Variants in NCAM2 observed in about 807,000 individuals in gnomAD.
NCAM2 encodes the protein neural cell adhesion molecule 2.
A neutral mutation model predicts 98.1 loss-of-function variants in NCAM2; 30 were observed. The ratio of observed to expected loss-of-function variants is 0.31; its 90% CI spans 0.23 to 0.41. The LOEUF (loss-of-function observed/expected upper bound fraction) is 0.41, where lower values mean the gene tolerates loss of function less well. Ranked by LOEUF, NCAM2 falls within the 10% of genes least tolerant of loss-of-function variation. NCAM2 has a pLI of 1.00. For missense variants in NCAM2, 867 were observed against 1,005.8 expected (o/e 0.86, Z 1.87); for synonymous variants, 368 against 342.4 (o/e 1.07, Z -0.83).
intron 1 of NCAM2, among the ~76,000 whole-genome samples, chr21:21,049,298 A>G (rs961061062): frequency 9.9e-5 from 15 of 152,094 alleles, no homozygotes; most frequent in Admixed American, 5.2e-4. Flanking sequence ...TTATTTTTGT[A>G]TATAATTTAT....
At chr21:21,176,675 T>C (rs959179306) in intron 1 of NCAM2, among the ~76,000 whole-genome samples, 3 of 151,320 alleles carry the variant, frequency 2.0e-5, no homozygotes, top group Non-Finnish European at 4.4e-5. Flanking sequence ...TTTAAAAGTG[T>C]TTTTTTTGAA....
intron 1 of NCAM2, among the ~76,000 whole-genome samples, chr21:21,264,770 C>G (rs1188937327): frequency 4.9e-4 from 3 of 6,174 alleles, no homozygotes; most frequent in Non-Finnish European, 8.7e-4. Flanking sequence ...ATATATTCCA[C>G]TATATATATA....
intron 1 of NCAM2, among the ~76,000 whole-genome samples, chr21:21,025,205 C>T (rs2064519913): frequency 6.6e-6 from 1 of 151,948 alleles, no homozygotes; most frequent in African/African-American, 2.4e-5. Flanking sequence ...CCTGCGTCAG[C>T]CTCTTGAGTA....
chr21:21,135,793 G>C (rs986859464), intron 1 of NCAM2, among the ~76,000 whole-genome samples: 2 of 152,116 alleles, frequency 1.3e-5, no homozygotes, highest in African/African-American at 4.8e-5. Flanking sequence ...AGTTCATTAA[G>C]TATATACATT....
rs550973246 is a variant in NCAM2 at position 21,122,404 on chromosome 21, T to C, written c.55+123786T>C. On this transcript the variant is annotated intron_variant, in intron 1 of 17. Transcript: ENST00000400546. ...ATTTAGTAACAGGAAGAAGATAGTT[T>C]TGAATACTTTTTCCCATGATGCATT... is the stretch of plus-strand genomic sequence containing the variant. Among the ~76,000 whole-genome samples the C allele has an allele frequency of 6.7e-4, 102 of 152,320 alleles. 2 individuals carry two copies. In the South Asian group the frequency reaches 9.3e-3, roughly 14 times the overall value.
intron 9 of NCAM2, among the ~76,000 whole-genome samples, chr21:21,375,713 T>G (rs951048810): frequency 2.2e-4 from 33 of 151,900 alleles, no homozygotes; most frequent in African/African-American, 7.7e-4. Context: ...CTTTATGATT[T>G]TTTTTAATTT....
At chr21:21,387,187 T>TAG (rs996347199) in intron 9 of NCAM2, among the ~76,000 whole-genome samples, 3 of 121,228 alleles carry the variant, frequency 2.5e-5, no homozygotes, top group African/African-American at 8.5e-5. Flanking sequence ...CACACACACA[T>TAG]ACACACACAC....
chr21:21,198,820 G>T (rs1343964537), intron 1 of NCAM2, among the ~76,000 whole-genome samples: 1 of 152,086 alleles, frequency 6.6e-6, no homozygotes, highest in African/African-American at 2.4e-5. Context: ...ATTTCTGAAT[G>T]AATATAAATG....
chr21:21,094,337 G>T (rs905821895), intron 1 of NCAM2, among the ~76,000 whole-genome samples: 5 of 151,846 alleles, frequency 3.3e-5, no homozygotes, highest in Non-Finnish European at 5.9e-5. Context: ...CAACTGGATA[G>T]TTCAAGAAGG....
intron 11 of NCAM2, among the ~76,000 whole-genome samples, chr21:21,424,858 C>T (rs2077180561): frequency 6.6e-6 from 1 of 151,346 alleles, no homozygotes; most frequent in Non-Finnish European, 1.5e-5. Context: ...ATGGTGAAAC[C>T]CCATCTCTAC....
intron 16 of NCAM2, among the ~76,000 whole-genome samples, chr21:21,526,869 T>A (rs1989352453): frequency 6.6e-6 from 1 of 152,130 alleles, no homozygotes; most frequent in South Asian, 2.1e-4. Context: ...AAGGCAGTAC[T>A]ATGGTAAAAA....
intron 8 of NCAM2, among the ~76,000 whole-genome samples, chr21:21,344,329 G>A (rs768450750): frequency 6.6e-6 from 1 of 152,158 alleles, no homozygotes; most frequent in South Asian, 2.1e-4. Context: ...AAAGCATGAA[G>A]TGGGGTCGTA....
chr21:21,113,160 A>G (rs2066487838), intron 1 of NCAM2, among the ~76,000 whole-genome samples: 1 of 152,208 alleles, frequency 6.6e-6, no homozygotes, highest in Non-Finnish European at 1.5e-5. Context: ...CAAACCAAAC[A>G]AAACTATTTT....
intron 1 of NCAM2, among the ~76,000 whole-genome samples, chr21:21,129,110 C>T (rs1003681805): frequency 2.0e-5 from 3 of 152,040 alleles, no homozygotes; most frequent in Non-Finnish European, 2.9e-5. Context: ...TATAAATTTG[C>T]ATGTAGATAC....
intron 1 of NCAM2, among the ~76,000 whole-genome samples, chr21:21,243,235 T>C (rs1261024505): frequency 6.6e-6 from 1 of 152,066 alleles, no homozygotes; most frequent in Non-Finnish European, 1.5e-5. Flanking sequence ...TTTCTATTAA[T>C]AAAGAGCAAA....
At chr21:21,400,599 T>A (rs1186786195) in intron 9 of NCAM2, among the ~76,000 whole-genome samples, 1 of 66,670 alleles carries the variant, frequency 1.5e-5, no homozygotes, top group Non-Finnish European at 3.5e-5. Flanking sequence ...ACCAAAAACT[T>A]TTTTTTTTTT....
At chr21:21,083,284 AT>A (rs1484525514) in intron 1 of NCAM2, among the ~76,000 whole-genome samples, 1 of 152,158 alleles carries the variant, frequency 6.6e-6, no homozygotes, top group Non-Finnish European at 1.5e-5. Context: ...TTATTACTCC[AT>A]TTTATTATTA....
intron 1 of NCAM2, among the ~76,000 whole-genome samples, chr21:21,175,138 A>G (rs1323029681): frequency 6.6e-6 from 1 of 152,204 alleles, no homozygotes; most frequent in Admixed American, 6.5e-5. Flanking sequence ...TTAACAGAAT[A>G]GATGGTAGAA....
chr21:21,463,310 T>C (rs894314738), intron 12 of NCAM2, among the ~76,000 whole-genome samples: 2 of 152,134 alleles, frequency 1.3e-5, no homozygotes, highest in African/African-American at 4.8e-5. Context: ...GTAGTCTCAA[T>C]GTGTGGAGTT....
Sources: gnomAD v4.1 joint callset for allele counts (sites outside exome capture counted in the v4.1 genomes callset) on GRCh38, gnomAD v4.1.1 for gene constraint, MANE v1.5 for transcripts, NCBI Gene and HGNC (gene_info 2026-07-23, HGNC 2026-07-21) for gene names.